The following FOXK1 variants were observed in gnomAD, a reference collection of about 807,000 sequenced individuals.
FOXK1 encodes the protein forkhead box protein K1.
A neutral mutation model predicts 51.9 loss-of-function variants in FOXK1; 19 were observed. The observed-to-expected ratio is 0.37, with a 90% CI of 0.26 to 0.54. FOXK1 has a LOEUF of 0.54. FOXK1 is among the 20% of genes least tolerant of loss of function. The pLI is 0.87. For missense variants in FOXK1, 870 were observed against 1,032.7 expected (o/e 0.84, Z 2.16); for synonymous variants, 537 against 482.6 (o/e 1.11, Z -1.48).
intron 1 of FOXK1, among the ~76,000 whole-genome samples, chr7:4,694,432 A>G (rs905153617): frequency 1.3e-5 from 2 of 152,134 alleles, no homozygotes; most frequent in African/African-American, 2.4e-5. Context: ...TCAGCAGTAC[A>G]CAGAGAATAA....
intron 1 of FOXK1, among the ~76,000 whole-genome samples, chr7:4,701,668 G>A (rs529453854): frequency 1.2e-4 from 18 of 152,272 alleles, no homozygotes; most frequent in East Asian, 3.9e-4. Context: ...CGAGGCGGGC[G>A]GATTATGAGG....
chr7:4,712,592 C>T (rs998032415), intron 1 of FOXK1, among the ~76,000 whole-genome samples: 5 of 152,174 alleles, frequency 3.3e-5, no homozygotes, highest in African/African-American at 1.2e-4. Flanking sequence ...AACCACCGCT[C>T]TCTGAATTCT....
chr7:4,714,765 T>C (rs1053498071), intron 1 of FOXK1, among the ~76,000 whole-genome samples: 1 of 152,206 alleles, frequency 6.6e-6, no homozygotes, highest in Admixed American at 6.5e-5. Flanking sequence ...AATTTTGTTT[T>C]GGTTTTTTTT....
At chr7:4,725,905 G>C (rs558797249) in intron 1 of FOXK1, among the ~76,000 whole-genome samples, 3 of 152,324 alleles carry the variant, frequency 2.0e-5, no homozygotes, top group African/African-American at 7.2e-5. Flanking sequence ...GGGCCTGGTG[G>C]GATTCCCCAT....
chr7:4,746,349 T>G (rs746075550), intron 2 of FOXK1, among the ~76,000 whole-genome samples: 29 of 152,176 alleles, frequency 1.9e-4, no homozygotes, highest in Non-Finnish European at 3.5e-4. Flanking sequence ...TTAGAAATAC[T>G]CTCCTTTTTC....
chr7:4,724,136 C>A (rs1038665526), intron 1 of FOXK1, among the ~76,000 whole-genome samples: 35 of 152,120 alleles, frequency 2.3e-4, no homozygotes, highest in African/African-American at 3.9e-4. Context: ...TGCCCAAGAC[C>A]TCCGTGCTCC....
Position 4,723,683 on chromosome 7 carries a change from T to C in FOXK1, c.561-17155T>C, listed in dbSNP as rs1247575345. Among the ~76,000 whole-genome samples, 3 of 152,320 alleles carry C rather than the reference T, an allele frequency of 2.0e-5. No individual in the cohort carries two copies. Among genetic ancestry groups the C allele is most frequent in the East Asian group, 3.9e-4 (2 of 5,190 alleles). The stretch of plus-strand genomic sequence containing the variant: ...AACAGTTACTACCAATGTTTGTTTA[T>C]TTGAGATAGGGTCTTGCTCTGTCTC... On this transcript the variant is annotated intron_variant, in intron 1 of 8. Coordinates refer to ENST00000328914, the MANE Select transcript of FOXK1 (RefSeq NM_001037165.2). This position sits in a 1 kb window ranked among gnomAD's most constrained non-coding sequence, Gnocchi z 4.7.
chr7:4,719,259 C>T (rs568249843), intron 1 of FOXK1, among the ~76,000 whole-genome samples: 6 of 152,184 alleles, frequency 3.9e-5, no homozygotes, highest in East Asian at 1.9e-4. Context: ...CTCAGCCTCC[C>T]GAGTAGCTGG....
In FOXK1 at chr7:4,758,966, G is replaced by C. The variant is rs1398216335; in HGVS notation, c.1245-85G>C. 12 of 1,426,464 alleles carry C rather than the reference G, an allele frequency of 8.4e-6. No individual in the cohort carries two copies. Among genetic ancestry groups the C allele is most frequent in the African/African-American group, 1.4e-5 (1 of 69,870 alleles). 88.4% of individuals were successfully genotyped at this position (1,426,464 alleles called of 1,614,324 possible). ...GCTCCAGGGAGCGTGGGCGGGTGAC[G>C]GCGCTGAGATGCGTGATGTCTCGGA... On this transcript the variant is annotated intron_variant, in intron 5 of 8. Transcript: ENST00000328914. The surrounding 1 kb of genome is among the most constrained non-coding windows in gnomAD (Gnocchi z 4.4).
Position 4,723,911 on chromosome 7 carries a change from T to A in FOXK1, c.561-16927T>A, listed in dbSNP as rs189627690. ...GTCTCGACCTCCTAGGCTCAAGCGATCCTCCTACCTCAGCTTCCCAAAGTG... is the reference window on the plus strand; with the variant it reads ...GTCTCGACCTCCTAGGCTCAAGCGAACCTCCTACCTCAGCTTCCCAAAGTG... On this transcript the variant is annotated intron_variant, in intron 1 of 8. Coordinates refer to ENST00000328914, the MANE Select transcript of FOXK1 (RefSeq NM_001037165.2). This position sits in a 1 kb window ranked among gnomAD's most constrained non-coding sequence, Gnocchi z 4.7. Among the ~76,000 whole-genome samples the A allele has an allele frequency of 3.1e-3, 470 of 152,298 alleles. 2 individuals carry two copies. The highest frequency in any genetic ancestry group is 0.011 in the African/African-American group (451 of 41,556).
At chr7:4,728,913 G>A (rs1780415435) in intron 1 of FOXK1, among the ~76,000 whole-genome samples, 1 of 152,160 alleles carries the variant, frequency 6.6e-6, no homozygotes, top group African/African-American at 2.4e-5. Context: ...CAGTCAGGTG[G>A]CCAGTGAATA....
At chr7:4,688,675 C>T (rs917993889) in intron 1 of FOXK1, among the ~76,000 whole-genome samples, 9 of 152,256 alleles carry the variant, frequency 5.9e-5, no homozygotes, top group East Asian at 3.9e-4. Flanking sequence ...CCCCCACGCC[C>T]GGCACCCTCT....
At chr7:4,716,180 C>T (rs1469133611) in intron 1 of FOXK1, among the ~76,000 whole-genome samples, 1 of 151,652 alleles carries the variant, frequency 6.6e-6, no homozygotes, top group African/African-American at 2.4e-5. Flanking sequence ...GAGATTGCGC[C>T]TCTGCACTCC....
intron 1 of FOXK1, among the ~76,000 whole-genome samples, chr7:4,714,747 C>T (rs1177497853): frequency 6.6e-6 from 1 of 152,132 alleles, no homozygotes; most frequent in Non-Finnish European, 1.5e-5. Flanking sequence ...AAAAGGTATG[C>T]GGTTAAAAAT....
chr7:4,744,500 G>A (rs1780676129), intron 2 of FOXK1, among the ~76,000 whole-genome samples: 1 of 152,358 alleles, frequency 6.6e-6, no homozygotes, highest in South Asian at 2.1e-4. Context: ...GCAAGAGCAG[G>A]CGCTGTGCGG....
intron 1 of FOXK1, among the ~76,000 whole-genome samples, chr7:4,702,284 G>A (rs1035246855): frequency 6.6e-6 from 1 of 152,044 alleles, no homozygotes; most frequent in Non-Finnish European, 1.5e-5. Flanking sequence ...TAGACCTCCC[G>A]CGTATGTCAC....
Position 4,733,589 on chromosome 7 carries a change from T to G in FOXK1, c.561-7249T>G, listed in dbSNP as rs1259354431. 6.6e-6 allele frequency among the ~76,000 whole-genome samples: 1 copy of G among 152,198 alleles called. No individual in the cohort carries two copies. The highest frequency in any genetic ancestry group is 1.5e-5 in the Non-Finnish European group (1 of 68,022). On this transcript the variant is annotated intron_variant, in intron 1 of 8. Coordinates refer to ENST00000328914, the MANE Select transcript of FOXK1 (RefSeq NM_001037165.2). The surrounding 1 kb of genome is among the most constrained non-coding windows in gnomAD (Gnocchi z 5.0). ...AGGGGCAGAGAAACATGGTCTTCAG[T>G]TGGGTGGACGTTTCTCTGTCTCCAT...
intron 1 of FOXK1, among the ~76,000 whole-genome samples, chr7:4,739,338 A>G (rs993718147): frequency 1.3e-5 from 2 of 152,240 alleles, no homozygotes; most frequent in Non-Finnish European, 2.9e-5. Flanking sequence ...AGCCTTTTCC[A>G]AACAGCTGCG....
intron 5 of FOXK1, among the ~76,000 whole-genome samples, chr7:4,757,555 C>T (rs754107980): frequency 1.4e-4 from 19 of 134,088 alleles, no homozygotes; most frequent in Non-Finnish European, 2.8e-4. Context: ...GCTTGAATCT[C>T]GGAGGCAGAA....
Sources: allele counts gnomAD v4.1 joint callset (sites outside exome capture counted in the v4.1 genomes callset), GRCh38; gene constraint gnomAD v4.1.1; non-coding constraint Gnocchi (gnomAD v3.1); transcripts MANE v1.5; gene names NCBI Gene and HGNC (gene_info 2026-07-23, HGNC 2026-07-21).